The following SWT1 variants were observed in gnomAD, a reference collection of about 807,000 sequenced individuals.
The protein encoded by SWT1 is transcriptional protein SWT1.
In SWT1, 33 loss-of-function variants were observed where a neutral mutation model predicts 107.3. That is an observed-to-expected ratio of 0.31 (90% CI 0.23 to 0.41). The LOEUF (loss-of-function observed/expected upper bound fraction) is 0.41. Among genes scored for constraint, SWT1 ranks in the 10% least tolerant of loss-of-function variants. SWT1 has a pLI of 1.00. For missense variants in SWT1, 898 were observed against 1,028.9 expected (o/e 0.87, Z 1.74); for synonymous variants, 345 against 348.3 (o/e 0.99, Z 0.11).
At position 185,269,367 on chromosome 1, in the gene SWT1, G is replaced by GTTT. The variant is rs1191849201; in HGVS notation, c.2442-1953_2442-1951dup. 8.7e-3 allele frequency among the ~76,000 whole-genome samples: 1,149 copies of GTTT among 132,300 alleles called. 28 individuals carry two copies. The highest frequency in any genetic ancestry group is 0.063 in the East Asian group (305 of 4,814). The allele number at this position is 132,300 out of a possible 152,430, so 86.8% of individuals were successfully genotyped here. ...CAGGGCTTTTTTGGAGGGTTAAGAG[G>GTTT]TTTTTGTTTTTTTTTTTTTTTGTAT... is the stretch of plus-strand genomic sequence containing the variant. On this transcript the variant is annotated intron_variant, in intron 16 of 18. Transcript: ENST00000367500.
intron 16 of SWT1, among the ~76,000 whole-genome samples, chr1:185,238,019 C>T (rs1269223875): frequency 6.6e-6 from 1 of 150,968 alleles, no homozygotes; most frequent in Non-Finnish European, 1.5e-5. Context: ...CAGAGTATTA[C>T]TGTGTTTCCC....
rs1158499200 is a variant in SWT1, at chr1:185,206,656, T to C, written c.1865T>C (p.Leu622Pro). Reference protein sequence around the residue: ...ILYLKPPWTLLHLLQCFKKHW... With the variant: ...ILYLKPPWTLPHLLQCFKKHW... ...TACCTGAAACCACCATGGACTCTAC[T>C]ACATTTACTACAGTGCTTTAAAAAA... Residue 622 changes from leucine (L) to proline (P), a missense_variant, in exon 13 of 19, where the codon CTA becomes CCA. Leu to Pro is a moderately conservative substitution (Grantham distance 98). Coordinates refer to ENST00000367500, the MANE Select transcript of SWT1 (RefSeq NM_017673.7). 2 of 1,603,446 alleles carry C rather than the reference T, an allele frequency of 1.2e-6. No homozygotes were observed. Among genetic ancestry groups the C allele is most frequent in the South Asian group, 1.1e-5 (1 of 89,240 alleles).
intron 10 of SWT1, among the ~76,000 whole-genome samples, chr1:185,201,787 A>G (rs1383621316): frequency 1.3e-5 from 2 of 152,166 alleles, no homozygotes; most frequent in Admixed American, 6.5e-5. Context: ...TGACATTTCA[A>G]GCCACTAATA....
chr1:185,269,333 A>G lies in SWT1; in HGVS notation c.2442-1990A>G, dbSNP rs760541830. On this transcript the variant is annotated intron_variant, in intron 16 of 18. Transcript: ENST00000367500. ...TATGTATGGGTCCTTCTCCATATGT[A>G]GTATTCCTCAGGGCTTTTTTGGAGG... is the stretch of plus-strand genomic sequence containing the variant. Among the ~76,000 whole-genome samples the G allele has an allele frequency of 8.1e-5, 12 of 148,750 alleles. No individual in the cohort carries two copies. The South Asian group carries it at 8.4e-4, about 10-fold the overall frequency.
At chr1:185,277,674 CA>C (rs1401352767) in intron 18 of SWT1, among the ~76,000 whole-genome samples, 2 of 152,152 alleles carry the variant, frequency 1.3e-5, no homozygotes, top group Non-Finnish European at 2.9e-5. Flanking sequence ...CTGTGGTCCC[CA>C]GACCATGTTT....
chr1:185,215,537 A>G (rs1659148600), intron 14 of SWT1, among the ~76,000 whole-genome samples: 1 of 151,974 alleles, frequency 6.6e-6, no homozygotes, highest in Admixed American at 6.6e-5. Flanking sequence ...TAACTCTCTA[A>G]TTTTTGTACC....
At chr1:185,205,981 C>CA (rs1658301713) in intron 12 of SWT1, among the ~76,000 whole-genome samples, 1 of 151,028 alleles carries the variant, frequency 6.6e-6, no homozygotes, top group Non-Finnish European at 1.5e-5. Flanking sequence ...TTTTTCTTCT[C>CA]TTTTTTTTTG....
In SWT1 at chr1:185,284,238, A is replaced by G. The variant is rs1322701981; in HGVS notation, c.2574-6436A>G. Among the ~76,000 whole-genome samples the G allele has an allele frequency of 2.0e-5, 3 of 152,144 alleles. No homozygotes were observed. In the East Asian group the frequency reaches 5.8e-4, roughly 29 times the overall value. On this transcript the variant is annotated intron_variant, in intron 18 of 18. Coordinates refer to ENST00000367500, the MANE Select transcript of SWT1 (RefSeq NM_017673.7). ...GAGGTTGAACTTCTTTTCATGTGCT[A>G]TTTGGCCATTTGTATATCTTCTGGA...
chr1:185,288,380 C>T (rs1665067955), intron 18 of SWT1, among the ~76,000 whole-genome samples: 1 of 152,126 alleles, frequency 6.6e-6, no homozygotes, highest in Admixed American at 6.6e-5. Context: ...AAAAGTCAGG[C>T]TTTAATCAGT....
rs533338027 is a variant in SWT1, at chr1:185,255,796, G to A, written c.2442-15527G>A. Among the ~76,000 whole-genome samples, 7 of 151,546 alleles carry A rather than the reference G, an allele frequency of 4.6e-5. No homozygotes were observed. In the South Asian group the frequency reaches 1.0e-3, roughly 23 times the overall value. ...TCCATTTACGTTTAAAGTTAATATTGTTATGTGTGAATTTGACCCTGTCAT... is the reference window on the plus strand; with the variant it reads ...TCCATTTACGTTTAAAGTTAATATTATTATGTGTGAATTTGACCCTGTCAT... On this transcript the variant is annotated intron_variant, in intron 16 of 18. Coordinates refer to ENST00000367500, the MANE Select transcript of SWT1 (RefSeq NM_017673.7).
At chr1:185,258,396 G>A (rs1662775275) in intron 16 of SWT1, among the ~76,000 whole-genome samples, 1 of 151,918 alleles carries the variant, frequency 6.6e-6, no homozygotes, top group Non-Finnish European at 1.5e-5. Context: ...GCTTTATCAT[G>A]CTTATTTATC....
intron 18 of SWT1, among the ~76,000 whole-genome samples, chr1:185,278,044 G>A (rs1332827498): frequency 1.3e-5 from 2 of 151,536 alleles, no homozygotes; most frequent in Non-Finnish European, 2.9e-5. Flanking sequence ...GGGTGGTCTC[G>A]AACTCCTGGA....
intron 16 of SWT1, chr1:185,264,545 A>G: frequency 1.4e-6 from 1 of 704,008 alleles, no homozygotes; most frequent in Non-Finnish European, 1.7e-6. Context: ...TATGTTACCT[A>G]TGTTAACTCA....
chr1:185,200,317 G>A lies in SWT1; in HGVS notation c.1524-2337G>A, dbSNP rs117891014. ...GGTGAGGAGTTGTGATCCTTTGGAG[G>A]AGAAAAGGCATTGTGGTTTTGGAAT... is the stretch of plus-strand genomic sequence containing the variant. On this transcript the variant is annotated intron_variant, in intron 10 of 18. Coordinates refer to ENST00000367500, the MANE Select transcript of SWT1 (RefSeq NM_017673.7). 3.5e-3 allele frequency among the ~76,000 whole-genome samples: 535 copies of A among 152,220 alleles called. 24 individuals carry two copies. In the East Asian group the frequency reaches 0.068, roughly 19 times the overall value.
chr1:185,168,973 CGT>C (rs1316149808), intron 4 of SWT1, among the ~76,000 whole-genome samples: 1 of 152,012 alleles, frequency 6.6e-6, no homozygotes, highest in Non-Finnish European at 1.5e-5. Context: ...AAAGTTATAA[CGT>C]GTGATAAAAC....
intron 1 of SWT1, 89 bp from the exon 2 acceptor site, chr1:185,160,744 C>A: frequency 1.1e-6 from 1 of 903,648 alleles, no homozygotes. Context: ...TATTGTAAAA[C>A]TCCAATCTTT....
At chr1:185,201,716 A>G (rs1381903862) in intron 10 of SWT1, among the ~76,000 whole-genome samples, 1 of 152,052 alleles carries the variant, frequency 6.6e-6, no homozygotes, top group African/African-American at 2.4e-5. Flanking sequence ...CCAGCTGCCA[A>G]CCTAGAGCAC....
At chr1:185,168,698 T>C (rs1654798858) in intron 4 of SWT1, among the ~76,000 whole-genome samples, 1 of 152,178 alleles carries the variant, frequency 6.6e-6, no homozygotes, top group African/African-American at 2.4e-5. Flanking sequence ...CATACACTAG[T>C]GAAGTAAGTT....
chr1:185,237,932 G>C (rs991340941), intron 16 of SWT1, among the ~76,000 whole-genome samples: 2 of 151,516 alleles, frequency 1.3e-5, no homozygotes, highest in African/African-American at 4.8e-5. Context: ...AGGACACCTA[G>C]CACTAGGGAT....
Sources: allele counts gnomAD v4.1 joint callset (sites outside exome capture counted in the v4.1 genomes callset), GRCh38; gene constraint gnomAD v4.1.1; transcripts MANE v1.5; gene names NCBI Gene and HGNC (gene_info 2026-07-23, HGNC 2026-07-21).